RABGAP1L: variants seen among roughly 807,000 people sequenced by gnomAD.
The protein encoded by RABGAP1L is rab GTPase-activating protein 1-like.
RABGAP1L carries 63 observed loss-of-function variants against 137.7 expected under a neutral mutation model. The ratio of observed to expected loss-of-function variants is 0.46; its 90% CI spans 0.37 to 0.56. The LOEUF (loss-of-function observed/expected upper bound fraction) is 0.56. RABGAP1L is among the 20% of genes least tolerant of loss of function. RABGAP1L has a pLI of 0.00. For synonymous variants in RABGAP1L, 431 were observed against 433.7 expected, an observed-to-expected ratio of 0.99 and a Z score of 0.08; for missense variants, 1,095 against 1,244.0, an observed-to-expected ratio of 0.88 and a Z score of 1.80.
chr1:174,588,860 C>T (rs536717044), intron 13 of RABGAP1L, among the ~76,000 whole-genome samples: 6 of 152,132 alleles, frequency 3.9e-5, no homozygotes, highest in Non-Finnish European at 7.4e-5. Context: ...TTGATGAACA[C>T]TTAGGTTGCC....
chr1:174,345,713 T>G (rs538771215), intron 11 of RABGAP1L, among the ~76,000 whole-genome samples: 79 of 152,324 alleles, frequency 5.2e-4, no homozygotes, highest in Non-Finnish European at 8.2e-4. Flanking sequence ...CTTCTTCCTT[T>G]TCAATTTGAG....
At chr1:174,807,972 C>CAAA (rs890650420) in intron 18 of RABGAP1L, among the ~76,000 whole-genome samples, 11 of 147,230 alleles carry the variant, frequency 7.5e-5, no homozygotes, top group Admixed American at 1.4e-4. Context: ...ACAACAACAA[C>CAAA]AAATTCTTTT....
chr1:174,479,649 G>A (rs1658880096), intron 13 of RABGAP1L, among the ~76,000 whole-genome samples: 1 of 152,206 alleles, frequency 6.6e-6, no homozygotes, highest in Non-Finnish European at 1.5e-5. Context: ...TGGGGAAGCA[G>A]TAGTATAAAT....
chr1:174,937,595 T>C (rs1665068312), intron 19 of RABGAP1L, among the ~76,000 whole-genome samples: 1 of 146,170 alleles, frequency 6.8e-6, no homozygotes, highest in Non-Finnish European at 1.5e-5. Context: ...CCAAGATTAA[T>C]TTTTAAATAG....
At position 174,250,515 on chromosome 1, in the gene RABGAP1L, G is replaced by A. The variant is rs377226119; in HGVS notation, c.758G>A (p.Arg253His). Residue 253 changes from arginine (R) to histidine (H), a missense_variant, in exon 6 of 26, where the codon CGT becomes CAT. Arg to His is a conservative substitution (Grantham distance 29, BLOSUM62 0). Around this residue, in one of 4 missense-constraint regions of RABGAP1L, gnomAD observed 356 missense variants for 326.3 expected, o/e 1.09. Coordinates refer to ENST00000681986, the MANE Select transcript of RABGAP1L (RefSeq NM_001366446.1). Reference sequence around the variant, plus strand: ...TACAGTTTCTGTACAGCATTCAAACGTTCTTCCAGACAAGTGTCTGATGTT... The same window carrying A: ...TACAGTTTCTGTACAGCATTCAAACATTCTTCCAGACAAGTGTCTGATGTT... ...ILYSFCTAFK[R>H]SSRQVSDVKD... 2.1e-5 allele frequency: 34 copies of A among 1,613,148 alleles called. No homozygotes were observed. Among genetic ancestry groups the A allele is most frequent in the Non-Finnish European group, 2.5e-5 (30 of 1,179,516 alleles).
intron 18 of RABGAP1L, among the ~76,000 whole-genome samples, chr1:174,781,471 G>T (rs1038574968): frequency 2.0e-5 from 3 of 152,114 alleles, no homozygotes; most frequent in Non-Finnish European, 2.9e-5. Flanking sequence ...TATTAGTCCT[G>T]TGTCAGATGA....
intron 13 of RABGAP1L, among the ~76,000 whole-genome samples, chr1:174,515,991 T>A (rs750738364): frequency 1.4e-3 from 217 of 152,204 alleles, no homozygotes; most frequent in Non-Finnish European, 2.6e-3. Context: ...CTAATAGAAG[T>A]GTGTAAAAAA....
At chr1:174,735,991 G>C (rs1219042151) in intron 17 of RABGAP1L, among the ~76,000 whole-genome samples, 1 of 152,180 alleles carries the variant, frequency 6.6e-6, no homozygotes, top group Non-Finnish European at 1.5e-5. Context: ...GATTTGGCGA[G>C]GATGAATATC....
intron 13 of RABGAP1L, among the ~76,000 whole-genome samples, chr1:174,628,018 T>A (rs997332519): frequency 1.3e-5 from 2 of 152,208 alleles, no homozygotes; most frequent in African/African-American, 4.8e-5. Context: ...AAATGGTGAC[T>A]GCTCTGGCAA....
intron 7 of RABGAP1L, among the ~76,000 whole-genome samples, chr1:174,270,878 G>C (rs1489752581): frequency 6.6e-6 from 1 of 152,098 alleles, no homozygotes; most frequent in Non-Finnish European, 1.5e-5. Context: ...AGTATGTAGG[G>C]ATGTGTGAGA....
chr1:174,825,780 A>G (rs941551209), intron 19 of RABGAP1L, among the ~76,000 whole-genome samples: 1 of 152,028 alleles, frequency 6.6e-6, no homozygotes, highest in Non-Finnish European at 1.5e-5. Flanking sequence ...TGTAATCCCA[A>G]CTCGGGAGGC....
At chr1:174,194,859 T>G (rs1667457768) in intron 1 of RABGAP1L, among the ~76,000 whole-genome samples, 1 of 152,184 alleles carries the variant, frequency 6.6e-6, no homozygotes, top group Non-Finnish European at 1.5e-5. Context: ...CAAATTATTA[T>G]TTTCCAGTTT....
intron 19 of RABGAP1L, among the ~76,000 whole-genome samples, chr1:174,855,290 G>A (rs1221778479): frequency 6.6e-6 from 1 of 152,164 alleles, no homozygotes; most frequent in African/African-American, 2.4e-5. Flanking sequence ...CCACCACTCT[G>A]ATGGCCCCAT....
intron 21 of RABGAP1L, among the ~76,000 whole-genome samples, chr1:174,972,579 G>A (rs11582831): frequency 0.026 from 3,899 of 152,024 alleles, 160 homozygotes; most frequent in African/African-American, 0.087. Flanking sequence ...GCTGTCTGGT[G>A]CAGTGGCTCA....
In RABGAP1L at chr1:174,319,353, A is replaced by C. The variant is rs575206444; in HGVS notation, c.1465+14226A>C. ...CAATGGCTTATTTGTGGTATGTAGA[A>C]AAGCAGTTGACGTCTTGTATATTGA... On this transcript the variant is annotated intron_variant, in intron 11 of 25. Coordinates refer to ENST00000681986, the MANE Select transcript of RABGAP1L (RefSeq NM_001366446.1). 2.6e-5 allele frequency among the ~76,000 whole-genome samples: 4 copies of C among 152,234 alleles called. No individual in the cohort carries two copies. The East Asian group carries it at 5.8e-4, about 22-fold the overall frequency.
chr1:174,706,651 C>T (rs138836302), intron 17 of RABGAP1L, among the ~76,000 whole-genome samples: 49 of 152,090 alleles, frequency 3.2e-4, no homozygotes, highest in African/African-American at 9.4e-4. Flanking sequence ...ATGGACATAA[C>T]GAAGTAACCA....
At chr1:174,737,862 A>G (rs1028817646) in intron 17 of RABGAP1L, among the ~76,000 whole-genome samples, 9 of 152,068 alleles carry the variant, frequency 5.9e-5, no homozygotes, top group African/African-American at 2.2e-4. Context: ...ACCAAGAGAG[A>G]GATGGGGGAT....
intron 13 of RABGAP1L, among the ~76,000 whole-genome samples, chr1:174,466,670 C>T (rs1472814383): frequency 6.6e-6 from 1 of 152,116 alleles, no homozygotes; most frequent in Non-Finnish European, 1.5e-5. Context: ...CCTTGTAATC[C>T]CAGCTACTCA....
intron 19 of RABGAP1L, among the ~76,000 whole-genome samples, chr1:174,855,789 T>G (rs1649191083): frequency 6.6e-6 from 1 of 152,230 alleles, no homozygotes; most frequent in Admixed American, 6.5e-5. Flanking sequence ...AATGTGGGAT[T>G]AACTCACTTA....
Sources: allele counts gnomAD v4.1 joint callset (sites outside exome capture counted in the v4.1 genomes callset), GRCh38; gene constraint gnomAD v4.1.1; regional missense constraint gnomAD v4.1.1; transcripts MANE v1.5; gene names NCBI Gene and HGNC (gene_info 2026-07-23, HGNC 2026-07-21).